IL1RAPL2: variants seen among roughly 807,000 people sequenced by gnomAD.
IL1RAPL2 encodes interleukin 1 receptor accessory protein like 2.
IL1RAPL2 carries 3 observed loss-of-function variants against 44.1 expected under a neutral mutation model. The observed-to-expected ratio is 0.07, with a 90% CI of 0.03 to 0.18. The LOEUF is 0.18. IL1RAPL2 is among the 10% of genes least tolerant of loss of function. IL1RAPL2 has a pLI of 1.00. For synonymous variants in IL1RAPL2, 181 were observed against 178.8 expected (o/e 1.01, Z -0.10); for missense variants, 391 against 496.4 (o/e 0.79, Z 2.02).
intron 6 of IL1RAPL2, among the ~76,000 whole-genome samples, chrX:105,550,042 G>A (rs2036839042): frequency 8.9e-6 from 1 of 112,207 alleles, no homozygotes; most frequent in Non-Finnish European, 1.9e-5. Flanking sequence ...TGTTAGGAGT[G>A]ATTACTGGGT....
At chrX:105,076,657 A>G (rs1249334210) in intron 2 of IL1RAPL2, among the ~76,000 whole-genome samples, 1 of 111,165 alleles carries the variant, frequency 9.0e-6, no homozygotes, top group Non-Finnish European at 1.9e-5. Flanking sequence ...AAAATCTCCC[A>G]TTATTATTGT....
At chrX:105,246,377 C>T (rs2034219287) in intron 4 of IL1RAPL2, among the ~76,000 whole-genome samples, 2 of 112,166 alleles carry the variant, frequency 1.8e-5, no homozygotes, top group Admixed American at 1.9e-4. Flanking sequence ...GCACAGAAAG[C>T]CAATCACTGA....
At chrX:104,715,209 G>T (rs921393869) in intron 2 of IL1RAPL2, among the ~76,000 whole-genome samples, 5 of 109,105 alleles carry the variant, frequency 4.6e-5, no homozygotes, top group African/African-American at 6.7e-5. Context: ...TCAGTCTTGG[G>T]AGGGTATATG....
chrX:104,579,210 C>G (rs1220396882), intron 1 of IL1RAPL2, among the ~76,000 whole-genome samples: 2 of 111,338 alleles, frequency 1.8e-5, no homozygotes, highest in Non-Finnish European at 3.8e-5. Flanking sequence ...GACCTAAAAG[C>G]AAAAATACCA....
chrX:104,842,599 C>T (rs913346133), intron 2 of IL1RAPL2, among the ~76,000 whole-genome samples: 1 of 112,094 alleles, frequency 8.9e-6, no homozygotes, highest in Non-Finnish European at 1.9e-5. Context: ...CTTTTGATGT[C>T]GTTGTTGTTG....
intron 2 of IL1RAPL2, among the ~76,000 whole-genome samples, chrX:104,886,665 T>C (rs1451693592): frequency 1.8e-5 from 2 of 112,218 alleles, no homozygotes; most frequent in African/African-American, 6.5e-5. Flanking sequence ...GGAAGCAGAA[T>C]GGTTCACTGT....
chrX:104,790,993 T>A (rs933213), intron 2 of IL1RAPL2, among the ~76,000 whole-genome samples: 5,854 of 111,523 alleles, frequency 0.052, 397 homozygotes, highest in African/African-American at 0.18. Context: ...TATTAACTCA[T>A]ATCATCCTCA....
chrX:104,633,574 G>A (rs1434870309), intron 1 of IL1RAPL2, among the ~76,000 whole-genome samples: 1 of 111,672 alleles, frequency 9.0e-6, no homozygotes, highest in Non-Finnish European at 1.9e-5. Context: ...TCTTGGGAGG[G>A]TATATGTGTC....
intron 5 of IL1RAPL2, among the ~76,000 whole-genome samples, chrX:105,297,286 T>C (rs967210156): frequency 2.7e-5 from 3 of 111,732 alleles, no homozygotes; most frequent in Admixed American, 9.5e-5. Context: ...GCCAGAAAAG[T>C]AGTAAAGGAC....
chrX:104,703,965 G>T (rs994917009), intron 2 of IL1RAPL2, among the ~76,000 whole-genome samples: 1 of 111,786 alleles, frequency 8.9e-6, no homozygotes, highest in African/African-American at 3.3e-5. Flanking sequence ...ACCCAATCTA[G>T]TTTCATATTA....
chrX:105,539,724 G>C (rs1001539193), intron 6 of IL1RAPL2, among the ~76,000 whole-genome samples: 1 of 109,985 alleles, frequency 9.1e-6, no homozygotes, highest in Non-Finnish European at 1.9e-5. Context: ...ACTATTAACA[G>C]TAAACAGAAA....
At chrX:104,979,565 C>G (rs1047500101) in intron 2 of IL1RAPL2, among the ~76,000 whole-genome samples, 3 of 111,821 alleles carry the variant, frequency 2.7e-5, no homozygotes, top group Non-Finnish European at 5.7e-5. Flanking sequence ...AGTACAAGAT[C>G]ATTCAATACA....
intron 2 of IL1RAPL2, among the ~76,000 whole-genome samples, chrX:104,954,477 T>C (rs1172267293): frequency 8.9e-6 from 1 of 112,694 alleles, no homozygotes; most frequent in Non-Finnish European, 1.9e-5. Context: ...AAGACAGATA[T>C]TACACTAATA....
chrX:104,896,605 G>T (rs1485545260), intron 2 of IL1RAPL2, among the ~76,000 whole-genome samples: 1 of 111,648 alleles, frequency 9.0e-6, no homozygotes, highest in Non-Finnish European at 1.9e-5. Flanking sequence ...CTAAAGGTTT[G>T]TAAATGCACC....
intron 5 of IL1RAPL2, among the ~76,000 whole-genome samples, chrX:105,307,776 A>G (rs776642950): frequency 3.2e-4 from 32 of 99,113 alleles, no homozygotes; most frequent in Middle Eastern, 5.0e-3. Context: ...ACAATCCTTT[A>G]TAATGCTTTT....
intron 3 of IL1RAPL2, among the ~76,000 whole-genome samples, chrX:105,231,424 T>C (rs782094983): frequency 8.9e-6 from 1 of 111,974 alleles, no homozygotes; most frequent in South Asian, 3.7e-4. Flanking sequence ...TGAAGGAATG[T>C]GATATTTGAC....
intron 5 of IL1RAPL2, among the ~76,000 whole-genome samples, chrX:105,427,774 G>A (rs2035820998): frequency 9.0e-6 from 1 of 111,323 alleles, no homozygotes; most frequent in Non-Finnish European, 1.9e-5. Context: ...TTAGATTATG[G>A]TTTAAGACTA....
At chrX:104,896,184 C>A (rs1190155810) in intron 2 of IL1RAPL2, among the ~76,000 whole-genome samples, 1 of 112,175 alleles carries the variant, frequency 8.9e-6, no homozygotes, top group Non-Finnish European at 1.9e-5. Flanking sequence ...GGTCCCATTG[C>A]AGCCATCTTG....
chrX:105,266,167 A>C (rs1217768489), intron 4 of IL1RAPL2, among the ~76,000 whole-genome samples: 2 of 109,328 alleles, frequency 1.8e-5, no homozygotes, highest in African/African-American at 6.7e-5. Context: ...TCAGCCTCTC[A>C]AGTAGCTGGG....
Sources: gnomAD v4.1 joint callset for allele counts (sites outside exome capture counted in the v4.1 genomes callset) on GRCh38, gnomAD v4.1.1 for gene constraint, MANE v1.5 for transcripts, NCBI Gene and HGNC (gene_info 2026-07-23, HGNC 2026-07-21) for gene names.